DPP10: variants seen among roughly 807,000 people sequenced by gnomAD.
The protein encoded by DPP10 is inactive dipeptidyl peptidase 10.
DPP10 carries 33 observed loss-of-function variants against 120.9 expected under a neutral mutation model. The observed-to-expected ratio is 0.27, with a 90% CI of 0.21 to 0.37. The LOEUF (loss-of-function observed/expected upper bound fraction) is 0.37, where lower values mean the gene tolerates loss of function less well. Among genes scored for constraint, DPP10 ranks in the 10% least tolerant of loss-of-function variants. DPP10 has a pLI of 1.00. For missense variants in DPP10, 816 were observed against 942.8 expected, an observed-to-expected ratio of 0.87 and a Z score of 1.76; for synonymous variants, 337 against 326.1, an observed-to-expected ratio of 1.03 and a Z score of -0.36.
intron 1 of DPP10, among the ~76,000 whole-genome samples, chr2:115,010,706 A>C (rs1341283525): frequency 3.9e-5 from 6 of 152,184 alleles, no homozygotes; most frequent in African/African-American, 9.7e-5. Context: ...GAAGCTCCAA[A>C]AATCCATCAT....
chr2:115,486,853 A>C (rs920122669), intron 3 of DPP10, among the ~76,000 whole-genome samples: 3 of 152,188 alleles, frequency 2.0e-5, no homozygotes, highest in African/African-American at 7.2e-5. Context: ...AACATCATTT[A>C]GTTGAGTGGC....
chr2:114,633,506 G>A (rs1358344254), intron 1 of DPP10, among the ~76,000 whole-genome samples: 1 of 151,420 alleles, frequency 6.6e-6, no homozygotes, highest in East Asian at 1.9e-4. Flanking sequence ...TGCCTGCCTT[G>A]GCCTCCCAAA....
At chr2:115,624,535 T>G (rs1329736290) in intron 5 of DPP10, among the ~76,000 whole-genome samples, 1 of 152,184 alleles carries the variant, frequency 6.6e-6, no homozygotes, top group Non-Finnish European at 1.5e-5. Flanking sequence ...TTCTAGACTG[T>G]TAGAAACTCA....
At chr2:115,498,022 G>T (rs2076491881) in intron 3 of DPP10, among the ~76,000 whole-genome samples, 1 of 148,882 alleles carries the variant, frequency 6.7e-6, no homozygotes, top group African/African-American at 2.4e-5. Flanking sequence ...TTAATTTAAA[G>T]ATCATATAGA....
intron 2 of DPP10, among the ~76,000 whole-genome samples, chr2:115,316,615 A>G (rs768942190): frequency 1.3e-5 from 2 of 152,216 alleles, no homozygotes; most frequent in Non-Finnish European, 2.9e-5. Context: ...CAGAACTTCA[A>G]ATACCCATGA....
At chr2:114,640,928 A>G (rs1458696478) in intron 1 of DPP10, among the ~76,000 whole-genome samples, 1 of 151,900 alleles carries the variant, frequency 6.6e-6, no homozygotes, top group African/African-American at 2.4e-5. Context: ...AGGAGTCTGC[A>G]TTCAACTTGC....
intron 1 of DPP10, among the ~76,000 whole-genome samples, chr2:114,933,476 A>G (rs1324817692): frequency 6.6e-6 from 1 of 152,202 alleles, no homozygotes; most frequent in Non-Finnish European, 1.5e-5. Flanking sequence ...TCTAAACTGC[A>G]TTAGAAGCTG....
At chr2:115,217,244 T>C (rs2056886746) in intron 1 of DPP10, among the ~76,000 whole-genome samples, 1 of 152,220 alleles carries the variant, frequency 6.6e-6, no homozygotes, top group Admixed American at 6.5e-5. Flanking sequence ...TGGCTTTAAA[T>C]CTTAATTTCT....
At chr2:115,192,965 TTAAAA>T (rs916553609) in intron 1 of DPP10, among the ~76,000 whole-genome samples, 3 of 151,994 alleles carry the variant, frequency 2.0e-5, no homozygotes, top group African/African-American at 7.2e-5. Flanking sequence ...TGCTTAAACT[TTAAAA>T]CAAAAAAAAA....
intron 1 of DPP10, among the ~76,000 whole-genome samples, chr2:114,450,836 T>C (rs551692041): frequency 6.6e-6 from 1 of 152,198 alleles, no homozygotes; most frequent in South Asian, 2.1e-4. Context: ...TGCATTAGTA[T>C]AGCAGACACA....
At chr2:114,724,546 G>C (rs558696951) in intron 1 of DPP10, among the ~76,000 whole-genome samples, 2 of 152,148 alleles carry the variant, frequency 1.3e-5, no homozygotes, top group East Asian at 1.9e-4. Flanking sequence ...AGCCGGTTTG[G>C]GGGGTATGAG....
chr2:115,710,418 GT>G (rs1234758247), intron 7 of DPP10, among the ~76,000 whole-genome samples: 5 of 152,012 alleles, frequency 3.3e-5, no homozygotes, highest in Non-Finnish European at 7.4e-5. Context: ...ACATTTCTAT[GT>G]TTTACATGAG....
At chr2:115,185,139 T>C (rs1358797476) in intron 1 of DPP10, among the ~76,000 whole-genome samples, 3 of 152,198 alleles carry the variant, frequency 2.0e-5, no homozygotes, top group African/African-American at 4.8e-5. Context: ...TCAACTCTTG[T>C]AAACACTACA....
intron 1 of DPP10, among the ~76,000 whole-genome samples, chr2:114,721,921 A>G (rs1701726744): frequency 6.6e-6 from 1 of 152,194 alleles, no homozygotes; most frequent in South Asian, 2.1e-4. Context: ...TAATTCTGTA[A>G]ACTTCAGCTC....
intron 1 of DPP10, among the ~76,000 whole-genome samples, chr2:114,460,957 A>G (rs1430829644): frequency 1.3e-5 from 2 of 152,332 alleles, no homozygotes; most frequent in Admixed American, 6.5e-5. Context: ...TTTAATGCAG[A>G]TGATTTTCAT....
intron 3 of DPP10, among the ~76,000 whole-genome samples, chr2:115,450,170 C>G (rs539386496): frequency 3.3e-5 from 5 of 151,966 alleles, no homozygotes; most frequent in Non-Finnish European, 5.9e-5. Flanking sequence ...ATAGCTTAGT[C>G]TAGCCTGTCT....
chr2:114,892,301 G>T (rs577825199), intron 1 of DPP10, among the ~76,000 whole-genome samples: 4 of 152,078 alleles, frequency 2.6e-5, no homozygotes, highest in African/African-American at 9.7e-5. Flanking sequence ...TTAACCATCT[G>T]CCTCTGCTAC....
Position 114,945,036 on chromosome 2 carries a change from A to C in DPP10, c.61-364203A>C, listed in dbSNP as rs147804886. Among the ~76,000 whole-genome samples, 955 of 152,324 alleles carry C rather than the reference A, an allele frequency of 6.3e-3. 2 individuals carry two copies. Among genetic ancestry groups the C allele is most frequent in the African/African-American group, 0.022 (905 of 41,572 alleles). On this transcript the variant is annotated intron_variant, in intron 1 of 25. Coordinates refer to ENST00000410059, the MANE Select transcript of DPP10 (RefSeq NM_020868.6). ...GATATTGGAGAACTTGAGTGTCCAT[A>C]TGCAAAAACCAGAACAAAAGCATAA...
chr2:115,070,800 G>T (rs894035214), intron 1 of DPP10, among the ~76,000 whole-genome samples: 3 of 152,046 alleles, frequency 2.0e-5, no homozygotes, highest in Admixed American at 6.5e-5. Flanking sequence ...TGACACTCTG[G>T]TTCTCCTTGA....
Sources: gnomAD v4.1 joint callset for allele counts (sites outside exome capture counted in the v4.1 genomes callset) on GRCh38, gnomAD v4.1.1 for gene constraint, MANE v1.5 for transcripts, NCBI Gene and HGNC (gene_info 2026-07-23, HGNC 2026-07-21) for gene names.